The following STRN3 variants were observed in gnomAD, a reference collection of about 807,000 sequenced individuals.
The protein encoded by STRN3 is striatin 3.
A neutral mutation model predicts 95.6 loss-of-function variants in STRN3; 29 were observed. The observed-to-expected ratio is 0.30, with a 90% CI of 0.23 to 0.41. STRN3 has a LOEUF of 0.41. STRN3 is among the 10% of genes least tolerant of loss of function. STRN3 has a pLI of 1.00. For synonymous variants in STRN3, 331 were observed against 357.6 expected, an observed-to-expected ratio of 0.93 and a Z score of 0.84; for missense variants, 890 against 972.1, an observed-to-expected ratio of 0.92 and a Z score of 1.12.
At chr14:30,967,206 A>T in intron 1 of STRN3, among the ~76,000 whole-genome samples, 1 of 132,964 alleles carries the variant, frequency 7.5e-6, no homozygotes, top group South Asian at 2.7e-4. Flanking sequence ...CTAGAGGCAG[A>T]GAGACACAGA....
At chr14:30,948,832 C>T (rs565230396) in intron 4 of STRN3, among the ~76,000 whole-genome samples, 1 of 152,342 alleles carries the variant, frequency 6.6e-6, no homozygotes, top group East Asian at 1.9e-4. Flanking sequence ...GATTTCTCTA[C>T]TGTCCAGAAA....
intron 9 of STRN3, among the ~76,000 whole-genome samples, chr14:30,914,327 G>A (rs1006132256): frequency 6.6e-6 from 1 of 152,068 alleles, no homozygotes; most frequent in Non-Finnish European, 1.5e-5. Flanking sequence ...GTTAATCCAC[G>A]TGGTCTTCAG....
rs1171206004 is a variant in STRN3 at position 30,992,931 on chromosome 14, C to G, written c.282+32973G>C. ...TCTCAAACTACTGGGCTCAAGTGAT[C>G]CTCCCAACTTCAGCCTTCTGAGTAG... On this transcript the variant is annotated intron_variant, in intron 1 of 17. Coordinates refer to ENST00000357479, the MANE Select transcript of STRN3 (RefSeq NM_001083893.2). Among the ~76,000 whole-genome samples, 3 of 152,134 alleles carry G rather than the reference C, an allele frequency of 2.0e-5. No individual in the cohort carries two copies. In the East Asian group the frequency reaches 5.8e-4, roughly 29 times the overall value.
chr14:31,000,748 T>C (rs1882409383), intron 1 of STRN3, among the ~76,000 whole-genome samples: 1 of 152,172 alleles, frequency 6.6e-6, no homozygotes, highest in East Asian at 1.9e-4. Context: ...AACTTTACTT[T>C]CTATCCACTA....
At chr14:30,950,724 G>T in intron 4 of STRN3, 139 bp downstream of exon 4, 2 of 695,108 alleles carry the variant, frequency 2.9e-6, no homozygotes, top group Non-Finnish European at 4.6e-6. Context: ...AAAGATCCAA[G>T]CATCTACACA....
At chr14:31,020,376 G>C (rs1472892373) in intron 1 of STRN3, among the ~76,000 whole-genome samples, 1 of 151,972 alleles carries the variant, frequency 6.6e-6, no homozygotes, top group East Asian at 1.9e-4. Context: ...GTGGGTGCTT[G>C]TAATTCCAGC....
chr14:30,901,133 T>G (rs1214194057), intron 16 of STRN3, among the ~76,000 whole-genome samples: 1 of 152,140 alleles, frequency 6.6e-6, no homozygotes, highest in East Asian at 1.9e-4. Context: ...AGGATTGATT[T>G]GATGAAGTGT....
chr14:31,006,858 C>A (rs1383383089), intron 1 of STRN3, among the ~76,000 whole-genome samples: 3 of 152,064 alleles, frequency 2.0e-5, no homozygotes, highest in Non-Finnish European at 2.9e-5. Context: ...GGCCTGCAAT[C>A]CCAGCCACTC....
At chr14:30,967,266 G>C (rs1306250462) in intron 1 of STRN3, among the ~76,000 whole-genome samples, 1 of 145,158 alleles carries the variant, frequency 6.9e-6, no homozygotes, top group African/African-American at 2.6e-5. Context: ...GCAGAGAGAG[G>C]GGGGAAGAGA....
chr14:30,961,662 ACC>A (rs1351003792), intron 1 of STRN3, among the ~76,000 whole-genome samples: 2 of 152,174 alleles, frequency 1.3e-5, no homozygotes, highest in African/African-American at 2.4e-5. Flanking sequence ...GTTTTGAGAC[ACC>A]CAGACTGGGT....
intron 4 of STRN3, among the ~76,000 whole-genome samples, chr14:30,949,397 C>G (rs558481359): frequency 1.6e-4 from 25 of 152,220 alleles, no homozygotes; most frequent in African/African-American, 6.0e-4. Context: ...CAGATCACGA[C>G]GTCAGGAGAT....
At chr14:31,024,824 C>G (rs10140248) in intron 1 of STRN3, among the ~76,000 whole-genome samples, 28,542 of 152,164 alleles carry the variant, frequency 0.19, 3,224 homozygotes, top group Non-Finnish European at 0.26. Context: ...TTTAGACACA[C>G]GCTTTTTCCT....
At chr14:30,929,103 T>C in intron 8 of STRN3, 98 bp downstream of exon 8, 1 of 1,034,032 alleles carries the variant, frequency 9.7e-7, no homozygotes, top group Non-Finnish European at 1.4e-6. Flanking sequence ...GCCCCCTTTA[T>C]GAAACAAAAA....
chr14:30,932,842 T>G (rs1193551944), intron 7 of STRN3, among the ~76,000 whole-genome samples: 2 of 152,240 alleles, frequency 1.3e-5, no homozygotes, highest in Non-Finnish European at 2.9e-5. Flanking sequence ...AATGAATATG[T>G]GTCAAGATTT....
chr14:30,969,657 A>G (rs1880726226), intron 1 of STRN3, among the ~76,000 whole-genome samples: 1 of 152,230 alleles, frequency 6.6e-6, no homozygotes, highest in Non-Finnish European at 1.5e-5. Flanking sequence ...GTGCTAAAGG[A>G]AATTTCTCAG....
At position 30,936,567 on chromosome 14, in the gene STRN3, A is replaced by C; in HGVS notation, c.774T>G (p.Asp258Glu). 1 of 1,613,764 alleles carries C rather than the reference A, an allele frequency of 6.2e-7. No individual in the cohort carries two copies. Among genetic ancestry groups the C allele is most frequent in the South Asian group, 1.1e-5 (1 of 91,062 alleles). The change falls in exon 6 of 18, where the codon GAT (aspartate) becomes GAG (glutamate). Residue 258 changes from aspartate to glutamate, a missense_variant. Asp to Glu is a conservative substitution (Grantham distance 45, BLOSUM62 2). Coordinates refer to ENST00000357479, the MANE Select transcript of STRN3 (RefSeq NM_001083893.2). ...FNFLENADDSDEDEENDMIEG... is the reference protein window; with the variant it reads ...FNFLENADDSEEDEENDMIEG... ...CGATCATGTCATTTTCCTCATCTTC[A>C]TCACTGTCATCGGCATTTTCTAAGA...
chr14:31,000,427 T>A (rs1355157798), intron 1 of STRN3, among the ~76,000 whole-genome samples: 2 of 151,846 alleles, frequency 1.3e-5, no homozygotes, highest in Non-Finnish European at 2.9e-5. Flanking sequence ...TATATACTAT[T>A]ATAATTAAAA....
chr14:30,994,740 T>C (rs1882121420), intron 1 of STRN3, among the ~76,000 whole-genome samples: 1 of 152,364 alleles, frequency 6.6e-6, no homozygotes, highest in African/African-American at 2.4e-5. Flanking sequence ...CCACAAGATA[T>C]CTTTTAAGTT....
At chr14:30,896,426 G>A (rs1303745424) in intron 16 of STRN3, among the ~76,000 whole-genome samples, 1 of 152,154 alleles carries the variant, frequency 6.6e-6, no homozygotes, top group Non-Finnish European at 1.5e-5. Context: ...GAACCCAGGA[G>A]TTCAAGGCTG....
Sources: allele counts gnomAD v4.1 joint callset (sites outside exome capture counted in the v4.1 genomes callset), GRCh38; gene constraint gnomAD v4.1.1; transcripts MANE v1.5; gene names NCBI Gene and HGNC (gene_info 2026-07-23, HGNC 2026-07-21).